DOCK5: variants seen among roughly 807,000 people sequenced by gnomAD.
The protein encoded by DOCK5 is dedicator of cytokinesis protein 5.
DOCK5 carries 142 observed loss-of-function variants against 251.8 expected under a neutral mutation model. The observed-to-expected ratio is 0.56, with a 90% CI of 0.49 to 0.65. The LOEUF is 0.65. Among genes scored for constraint, DOCK5 ranks in the 30% least tolerant of loss-of-function variants. DOCK5 has a pLI of 0.00. For synonymous variants in DOCK5, 842 were observed against 835.5 expected, an observed-to-expected ratio of 1.01 and a Z score of -0.13; for missense variants, 2,111 against 2,312.3, an observed-to-expected ratio of 0.91 and a Z score of 1.79.
intron 1 of DOCK5, among the ~76,000 whole-genome samples, chr8:25,203,721 A>G (rs1353094522): frequency 2.6e-5 from 4 of 152,250 alleles, no homozygotes; most frequent in African/African-American, 9.6e-5. Flanking sequence ...ACTCAATTTT[A>G]AAGATCAGAT....
At chr8:25,207,136 C>G (rs937541261) in intron 1 of DOCK5, among the ~76,000 whole-genome samples, 1 of 152,176 alleles carries the variant, frequency 6.6e-6, no homozygotes, top group Non-Finnish European at 1.5e-5. Flanking sequence ...ATACCTCCTT[C>G]TATATAGCAC....
intron 45 of DOCK5, among the ~76,000 whole-genome samples, chr8:25,398,354 T>C (rs1467172985): frequency 6.6e-6 from 1 of 152,246 alleles, no homozygotes; most frequent in Non-Finnish European, 1.5e-5. Flanking sequence ...CTGGCTAGAA[T>C]GAGCTGTTTT....
At chr8:25,337,929 C>T (rs1334517461) in intron 22 of DOCK5, among the ~76,000 whole-genome samples, 1 of 151,964 alleles carries the variant, frequency 6.6e-6, no homozygotes, top group Non-Finnish European at 1.5e-5. Context: ...AGCATGAGTA[C>T]AGTATGATCT....
Position 25,209,124 on chromosome 8 carries a change from G to A in DOCK5, c.43+24173G>A, listed in dbSNP as rs115484068. Among the ~76,000 whole-genome samples the A allele has an allele frequency of 9.0e-3, 1,369 of 152,220 alleles. 19 individuals are homozygous for A. The highest frequency in any genetic ancestry group is 0.031 in the African/African-American group (1,303 of 41,528). ...GTGAGGGAGGGTCTGTGAAGATGCC[G>A]CGGGTGCACTGCTCTAGTATGAAAT... On this transcript the variant is annotated intron_variant, in intron 1 of 51. Transcript: ENST00000276440.
At chr8:25,200,757 CA>C (rs2117459734) in intron 1 of DOCK5, among the ~76,000 whole-genome samples, 1 of 152,300 alleles carries the variant, frequency 6.6e-6, no homozygotes, top group African/African-American at 2.4e-5. Context: ...AAACCAAATC[CA>C]ATATTTTACT....
chr8:25,222,322 A>G (rs1019878623), intron 1 of DOCK5, among the ~76,000 whole-genome samples: 2 of 152,150 alleles, frequency 1.3e-5, no homozygotes, highest in Admixed American at 6.5e-5. Context: ...ATTACTTATG[A>G]ATTGTTTCCA....
chr8:25,391,565 A>G (rs189552011), intron 42 of DOCK5, among the ~76,000 whole-genome samples: 1 of 152,148 alleles, frequency 6.6e-6, no homozygotes, highest in East Asian at 1.9e-4. Context: ...TTGAACTCAG[A>G]AAGTGCAGCC....
intron 1 of DOCK5, among the ~76,000 whole-genome samples, chr8:25,205,860 T>G (rs1801987853): frequency 6.6e-6 from 1 of 152,230 alleles, no homozygotes; most frequent in South Asian, 2.1e-4. Flanking sequence ...TACTCAGAGA[T>G]AATGCCATTG....
intron 1 of DOCK5, among the ~76,000 whole-genome samples, chr8:25,240,893 CG>C (rs1243369737): frequency 6.6e-6 from 1 of 152,092 alleles, no homozygotes; most frequent in East Asian, 1.9e-4. Flanking sequence ...CGGAGGCCCT[CG>C]GGGAGGTTCT....
chr8:25,304,211 C>T, intron 10 of DOCK5, 44 bp from the exon 11 acceptor site: 1 of 1,493,780 alleles, frequency 6.7e-7, no homozygotes, highest in South Asian at 1.3e-5. Context: ...CTTACTGAGG[C>T]ATGAAGCAAT....
rs28481547 is a variant in DOCK5 at position 25,270,516 on chromosome 8, T to C, written c.168+1631T>C. On this transcript the variant is annotated intron_variant, in intron 3 of 51. Transcript: ENST00000276440. ...TTGTTAAACAGTAAGAATACTTATG[T>C]CACTTAATTCCCAATCCTTTTTTAA... is the stretch of plus-strand genomic sequence containing the variant. Among the ~76,000 whole-genome samples, 289 of 152,318 alleles carry C rather than the reference T, an allele frequency of 1.9e-3. 1 individual carries two copies. The highest frequency in any genetic ancestry group is 0.01 in the Middle Eastern group (3 of 294).
chr8:25,375,717 A>G (rs1274523410), intron 37 of DOCK5: 4 of 984,882 alleles, frequency 4.1e-6, no homozygotes, highest in Non-Finnish European at 3.6e-6. Context: ...TTGTCCGAAC[A>G]TATGAGTTAA....
At chr8:25,254,159 C>T (rs927517989) in intron 2 of DOCK5, among the ~76,000 whole-genome samples, 5 of 152,150 alleles carry the variant, frequency 3.3e-5, no homozygotes, top group African/African-American at 1.2e-4. Context: ...TTTAACAAAT[C>T]GTGCTGGAAC....
chr8:25,296,678 C>T, intron 7 of DOCK5, 30 bp downstream of exon 7: 1 of 1,605,672 alleles, frequency 6.2e-7, no homozygotes, highest in Non-Finnish European at 8.5e-7. Flanking sequence ...AAATTCTGCC[C>T]ACTGAGGTTC....
In DOCK5 at chr8:25,364,631, T is replaced by G; in HGVS notation, c.3050T>G (p.Phe1017Cys). The change falls in exon 30 of 52, where the codon TTT becomes TGT. Residue 1017 changes from phenylalanine (F) to cysteine (C), a missense_variant. Physicochemically the swap from Phe to Cys is radical, Grantham distance 205. This residue lies in a region of DOCK5 where 1,717 missense variants were observed against 1,892.4 expected (regional missense o/e 0.91). Coordinates refer to ENST00000276440, the MANE Select transcript of DOCK5 (RefSeq NM_024940.8). Reference protein sequence around the residue: ...MVMNMTQNRVFLRAINQFAEV... With the variant: ...MVMNMTQNRVCLRAINQFAEV... ...CTGGTGTTTTCCTTCCGCAGGGTTT[T>G]TCTCCGTGCTATAAATCAGTTTGCT... is the stretch of plus-strand genomic sequence containing the variant. The G allele has an allele frequency of 6.3e-7, 1 of 1,598,452 alleles. No homozygotes were observed. Among genetic ancestry groups the G allele is most frequent in the Non-Finnish European group, 8.5e-7 (1 of 1,170,690 alleles).
intron 1 of DOCK5, among the ~76,000 whole-genome samples, chr8:25,211,187 A>G (rs947343730): frequency 9.9e-5 from 7 of 70,518 alleles, no homozygotes; most frequent in African/African-American, 2.3e-4. Context: ...AGGGGACAGG[A>G]TGGTGTCTCC....
intron 18 of DOCK5, among the ~76,000 whole-genome samples, chr8:25,328,544 T>G (rs1805615929): frequency 6.6e-6 from 1 of 152,162 alleles, no homozygotes; most frequent in Non-Finnish European, 1.5e-5. Flanking sequence ...GCTAATTCTG[T>G]GAGGGTGTTG....
chr8:25,398,687 T>C (rs1351034561), intron 45 of DOCK5, among the ~76,000 whole-genome samples: 1 of 152,182 alleles, frequency 6.6e-6, no homozygotes, highest in Non-Finnish European at 1.5e-5. Context: ...CTTCACATAA[T>C]GTTCTCCCAG....
chr8:25,232,899 C>T (rs888309847), intron 1 of DOCK5, among the ~76,000 whole-genome samples: 17 of 152,164 alleles, frequency 1.1e-4, no homozygotes, highest in Non-Finnish European at 2.2e-4. Flanking sequence ...TGTTCTCATC[C>T]ATGTGCGTGG....
Sources: allele counts gnomAD v4.1 joint callset (sites outside exome capture counted in the v4.1 genomes callset), GRCh38; gene constraint gnomAD v4.1.1; regional missense constraint gnomAD v4.1.1; transcripts MANE v1.5; gene names NCBI Gene and HGNC (gene_info 2026-07-23, HGNC 2026-07-21).